NEGR1: variants seen among roughly 807,000 people sequenced by gnomAD.
NEGR1 encodes neuronal growth regulator 1, also known as IgLON family member 4.
In NEGR1, 10 loss-of-function variants were observed where a neutral mutation model predicts 40.9. That is an observed-to-expected ratio of 0.24 (90% CI 0.15 to 0.42). NEGR1 has a LOEUF of 0.42. Ranked by LOEUF, NEGR1 falls within the 10% of genes least tolerant of loss-of-function variation. NEGR1 has a pLI of 1.00. For synonymous variants in NEGR1, 185 were observed against 166.8 expected (o/e 1.11, Z -0.84); for missense variants, 352 against 438.9 (o/e 0.80, Z 1.77).
At chr1:72,017,835 A>C (rs1323291041) in intron 1 of NEGR1, among the ~76,000 whole-genome samples, 1 of 152,130 alleles carries the variant, frequency 6.6e-6, no homozygotes, top group East Asian at 1.9e-4. Flanking sequence ...AAATAATTTT[A>C]AGATTGGTCT....
intron 2 of NEGR1, among the ~76,000 whole-genome samples, chr1:71,847,454 T>G (rs1182347513): frequency 6.6e-6 from 1 of 152,178 alleles, no homozygotes; most frequent in Non-Finnish European, 1.5e-5. Context: ...GTGTCCCATT[T>G]TGGTAGTTCT....
intron 4 of NEGR1, among the ~76,000 whole-genome samples, chr1:71,664,521 T>A (rs987193162): frequency 1.3e-5 from 2 of 152,210 alleles, no homozygotes; most frequent in Admixed American, 1.3e-4. Context: ...TTTTTACATA[T>A]CTTTTTTGTG....
intron 1 of NEGR1, among the ~76,000 whole-genome samples, chr1:72,013,995 TG>T (rs1219782428): frequency 1.5e-5 from 2 of 136,772 alleles, no homozygotes; most frequent in Admixed American, 7.3e-5. Context: ...AAAAGGAGGT[TG>T]GGGGAGAACT....
At chr1:71,561,241 T>C (rs1648447701) in intron 6 of NEGR1, among the ~76,000 whole-genome samples, 1 of 151,628 alleles carries the variant, frequency 6.6e-6, no homozygotes, top group South Asian at 2.1e-4. Flanking sequence ...CTAACAAAGA[T>C]CAATGTCTTA....
chr1:72,217,206 GCCCT>G (rs901706024), intron 1 of NEGR1, among the ~76,000 whole-genome samples: 4 of 151,614 alleles, frequency 2.6e-5, no homozygotes, highest in Non-Finnish European at 5.9e-5. Context: ...AATTAATACA[GCCCT>G]TTGTTTATAA....
At chr1:71,945,931 G>A (rs1250797070) in intron 1 of NEGR1, among the ~76,000 whole-genome samples, 2 of 152,160 alleles carry the variant, frequency 1.3e-5, no homozygotes, top group South Asian at 4.1e-4. Flanking sequence ...TGTTTTATAG[G>A]TTAATGCTCT....
At chr1:71,597,472 C>CTGTGTGTG (rs1553152644) in intron 5 of NEGR1, among the ~76,000 whole-genome samples, 61 of 31,334 alleles carry the variant, frequency 1.9e-3, no homozygotes, top group South Asian at 4.6e-3. Flanking sequence ...CTCTCTCTCT[C>CTGTGTGTG]TGTGTGTGTG....
At chr1:71,559,466 T>C in intron 6 of NEGR1, among the ~76,000 whole-genome samples, 1 of 151,584 alleles carries the variant, frequency 6.6e-6, no homozygotes, top group East Asian at 2.0e-4. Context: ...CCATCTTGTG[T>C]TTCTCAAATA....
chr1:71,958,349 T>A (rs1646135170), intron 1 of NEGR1, among the ~76,000 whole-genome samples: 1 of 152,154 alleles, frequency 6.6e-6, no homozygotes, highest in African/African-American at 2.4e-5. Flanking sequence ...TATGTTAACT[T>A]AACCAGACAT....
chr1:72,264,952 TAATA>T (rs1157213915), intron 1 of NEGR1, among the ~76,000 whole-genome samples: 1 of 150,688 alleles, frequency 6.6e-6, no homozygotes, highest in Non-Finnish European at 1.5e-5. Flanking sequence ...TATGTTAATA[TAATA>T]AATTTATAAT....
intron 1 of NEGR1, among the ~76,000 whole-genome samples, chr1:71,961,856 C>T (rs984164817): frequency 6.6e-6 from 1 of 152,028 alleles, no homozygotes; most frequent in Non-Finnish European, 1.5e-5. Context: ...TTCCATTTTT[C>T]CACTTACTAG....
intron 2 of NEGR1, among the ~76,000 whole-genome samples, chr1:71,803,873 A>G (rs1335038477): frequency 6.6e-6 from 1 of 152,174 alleles, no homozygotes; most frequent in Non-Finnish European, 1.5e-5. Context: ...TTCAGTGCCT[A>G]GAATAGATTC....
intron 6 of NEGR1, among the ~76,000 whole-genome samples, chr1:71,409,882 T>G (rs2101260494): frequency 6.6e-6 from 1 of 152,098 alleles, no homozygotes; most frequent in Admixed American, 6.6e-5. Context: ...AAATGTACTA[T>G]AGTAGTATAG....
intron 1 of NEGR1, among the ~76,000 whole-genome samples, chr1:72,124,404 G>T (rs937279643): frequency 1.3e-5 from 2 of 151,836 alleles, no homozygotes; most frequent in African/African-American, 4.8e-5. Flanking sequence ...TCAGCCCAGA[G>T]CAAAACCTAA....
chr1:71,970,816 A>G (rs912973690), intron 1 of NEGR1, among the ~76,000 whole-genome samples: 17 of 152,182 alleles, frequency 1.1e-4, no homozygotes, highest in African/African-American at 3.9e-4. Flanking sequence ...ATATGTACCG[A>G]TCATTGTATC....
intron 2 of NEGR1, among the ~76,000 whole-genome samples, chr1:71,855,561 G>A (rs1040059873): frequency 1.3e-5 from 2 of 151,926 alleles, no homozygotes; most frequent in African/African-American, 4.8e-5. Context: ...GTTTCATACC[G>A]AGACCTGGAA....
At chr1:71,810,938 A>T (rs986831365) in intron 2 of NEGR1, among the ~76,000 whole-genome samples, 2 of 152,190 alleles carry the variant, frequency 1.3e-5, no homozygotes, top group East Asian at 1.9e-4. Context: ...GCAAGAATGG[A>T]CTAATGGATC....
At chr1:72,223,728 A>G (rs1040129815) in intron 1 of NEGR1, among the ~76,000 whole-genome samples, 2 of 152,188 alleles carry the variant, frequency 1.3e-5, no homozygotes, top group African/African-American at 4.8e-5. Context: ...TCTCCTCTCA[A>G]AAAAGATCAT....
At chr1:71,558,723 T>TC (rs1648336586) in intron 6 of NEGR1, among the ~76,000 whole-genome samples, 1 of 47,224 alleles carries the variant, frequency 2.1e-5, no homozygotes, top group Admixed American at 2.7e-4. Flanking sequence ...CTTTTCTTTC[T>TC]TTTTTTTTTT....
Sources: allele counts gnomAD v4.1 joint callset (sites outside exome capture counted in the v4.1 genomes callset), GRCh38; gene constraint gnomAD v4.1.1; transcripts MANE v1.5; gene names NCBI Gene and HGNC (gene_info 2026-07-23, HGNC 2026-07-21).